Variants in TSPAN13 observed in about 807,000 individuals in gnomAD.
The protein encoded by TSPAN13 is tetraspanin-13.
In TSPAN13, 18 loss-of-function variants were observed where a neutral mutation model predicts 26.9. The ratio of observed to expected loss-of-function variants is 0.67; its 90% confidence interval spans 0.46 to 0.99. The LOEUF (loss-of-function observed/expected upper bound fraction) is 0.99. TSPAN13 is among the 50% of genes least tolerant of loss of function. The pLI is 0.00. For missense variants in TSPAN13, 201 were observed against 249.6 expected (o/e 0.81, Z 1.31); for synonymous variants, 116 against 98.4 (o/e 1.18, Z -1.06).
At chr7:16,765,573 T>G (rs560862298) in intron 1 of TSPAN13, among the ~76,000 whole-genome samples, 1 of 152,356 alleles carries the variant, frequency 6.6e-6, no homozygotes, top group Admixed American at 6.5e-5. Flanking sequence ...TTTATGGTCT[T>G]GCTTTGGTGT....
At chr7:16,754,361 C>G (rs1040596418) in intron 1 of TSPAN13, among the ~76,000 whole-genome samples, 4 of 152,262 alleles carry the variant, frequency 2.6e-5, no homozygotes, top group Non-Finnish European at 5.9e-5. Context: ...ACCCCGTACC[C>G]TTCTGCCGCT....
chr7:16,764,418 A>C (rs1784583900), intron 1 of TSPAN13, among the ~76,000 whole-genome samples: 1 of 152,144 alleles, frequency 6.6e-6, no homozygotes, highest in African/African-American at 2.4e-5. Context: ...TGTTTGCTAG[A>C]GTGATCTCAA....
chr7:16,760,809 G>T (rs1335810898), intron 1 of TSPAN13, among the ~76,000 whole-genome samples: 1 of 152,004 alleles, frequency 6.6e-6, no homozygotes, highest in Non-Finnish European at 1.5e-5. Flanking sequence ...CCGAGAGTTG[G>T]TTCTCGAATT....
At chr7:16,754,654 T>C (rs1396979872) in intron 1 of TSPAN13, among the ~76,000 whole-genome samples, 3 of 152,190 alleles carry the variant, frequency 2.0e-5, no homozygotes, top group Admixed American at 6.5e-5. Flanking sequence ...TTTTTCTGTG[T>C]GTCTTGTCCA....
intron 1 of TSPAN13, among the ~76,000 whole-genome samples, chr7:16,766,292 C>G (rs948158942): frequency 2.0e-5 from 3 of 152,164 alleles, no homozygotes; most frequent in African/African-American, 7.2e-5. Context: ...TTATGATGTA[C>G]AGTTTCGCTG....
intron 5 of TSPAN13, among the ~76,000 whole-genome samples, chr7:16,780,949 C>T (rs1230846361): frequency 6.6e-6 from 1 of 152,106 alleles, no homozygotes; most frequent in Non-Finnish European, 1.5e-5. Context: ...TAGTGGTAGG[C>T]TCTCACTTTT....
intron 1 of TSPAN13, among the ~76,000 whole-genome samples, chr7:16,754,301 C>G (rs1438192488): frequency 6.6e-6 from 1 of 152,218 alleles, no homozygotes; most frequent in Non-Finnish European, 1.5e-5. Flanking sequence ...CCCGCCCCCT[C>G]ACCCACCGCC....
At chr7:16,763,931 C>G (rs1042109882) in intron 1 of TSPAN13, among the ~76,000 whole-genome samples, 13 of 152,366 alleles carry the variant, frequency 8.5e-5, no homozygotes, top group African/African-American at 3.1e-4. Context: ...TCTTCATCAT[C>G]TGCAAGTCTT....
chr7:16,783,735 C>T lies in TSPAN13; in HGVS notation c.*244C>T, dbSNP rs936193660. 33 of 523,408 alleles carry T rather than the reference C, an allele frequency of 6.3e-5. No individual in the cohort carries two copies. Among genetic ancestry groups the T allele is most frequent in the African/African-American group, 2.5e-4 (13 of 52,640 alleles). 32.4% of individuals were successfully genotyped at this position (523,408 alleles called of 1,614,324 possible). On this transcript the variant is annotated 3_prime_UTR_variant, in exon 6 of 6. Coordinates refer to ENST00000262067, the MANE Select transcript of TSPAN13 (RefSeq NM_014399.4). Reference sequence around the variant, plus strand: ...ACCTGGAATTTACTGTATTCATTGTCGGGCACTGTCCACTGTGGCCTTTCT... The same window carrying T: ...ACCTGGAATTTACTGTATTCATTGTTGGGCACTGTCCACTGTGGCCTTTCT...
In TSPAN13 at chr7:16,776,472, A is replaced by G. The variant is rs556860125; in HGVS notation, c.231+94A>G. 201 of 1,177,808 alleles carry G rather than the reference A, an allele frequency of 1.7e-4. 6 individuals are homozygous for G. In the South Asian group the frequency reaches 2.9e-3, roughly 17 times the overall value. 73.0% of individuals were successfully genotyped at this position (1,177,808 alleles called of 1,614,324 possible). ...ATCACTAGGAAATTTATTGCCAGAA[A>G]GCAACTCCAAGCAAGCCTTATGCAT... On this transcript the variant is annotated intron_variant, in intron 2 of 5. Transcript: ENST00000262067.
chr7:16,783,634 C>A lies in TSPAN13; in HGVS notation c.*143C>A. ...GATAGTGGAATTATATATTTTTACT[C>A]TATGTTTCTCTACATGTTTTTTTCT... On this transcript the variant is annotated 3_prime_UTR_variant, in exon 6 of 6. Transcript: ENST00000262067. The A allele has an allele frequency of 4.1e-6, 3 of 739,236 alleles. No homozygotes were observed. The highest frequency in any genetic ancestry group is 2.5e-5 in the East Asian group (1 of 39,390). 45.8% of individuals were successfully genotyped at this position (739,236 alleles called of 1,614,324 possible).
At chr7:16,770,776 C>A (rs572513106) in intron 1 of TSPAN13, among the ~76,000 whole-genome samples, 2 of 152,192 alleles carry the variant, frequency 1.3e-5, no homozygotes, top group Admixed American at 6.5e-5. Context: ...TTTTCTCCCC[C>A]AAATGCCGTC....
At chr7:16,770,941 A>G (rs1479165188) in intron 1 of TSPAN13, among the ~76,000 whole-genome samples, 1 of 152,212 alleles carries the variant, frequency 6.6e-6, no homozygotes, top group East Asian at 1.9e-4. Flanking sequence ...GAGACTGAAA[A>G]GTCTTTGCTC....
intron 1 of TSPAN13, among the ~76,000 whole-genome samples, chr7:16,758,490 C>T (rs1240401753): frequency 2.0e-5 from 3 of 152,206 alleles, no homozygotes; most frequent in Non-Finnish European, 2.9e-5. Context: ...GTTACAGCTT[C>T]AGGTGGAAAA....
At chr7:16,766,305 G>A (rs1784602436) in intron 1 of TSPAN13, among the ~76,000 whole-genome samples, 1 of 152,192 alleles carries the variant, frequency 6.6e-6, no homozygotes, top group South Asian at 2.1e-4. Context: ...TTTCGCTGTT[G>A]CTGTAATAAG....
chr7:16,768,372 C>G (rs1024066690), intron 1 of TSPAN13, among the ~76,000 whole-genome samples: 15 of 152,280 alleles, frequency 9.9e-5, no homozygotes, highest in African/African-American at 3.6e-4. Context: ...GCCAGGTAGC[C>G]TGGGTTCATA....
At chr7:16,776,889 A>G (rs551777766) in intron 2 of TSPAN13, among the ~76,000 whole-genome samples, 153 bp from the exon 3 acceptor site, 1 of 152,206 alleles carries the variant, frequency 6.6e-6, no homozygotes, top group Non-Finnish European at 1.5e-5. Context: ...AAATAATAAT[A>G]TGTGTATCCT....
chr7:16,783,739 C>G lies in TSPAN13; in HGVS notation c.*248C>G, dbSNP rs1199139268. 7.9e-6 allele frequency: 4 copies of G among 507,206 alleles called. No homozygotes were observed. In the East Asian group the frequency reaches 1.3e-4, roughly 16 times the overall value. The allele number at this position is 507,206 out of a possible 1,614,324, so 31.4% of individuals were successfully genotyped here. On this transcript the variant is annotated 3_prime_UTR_variant, in exon 6 of 6. Coordinates refer to ENST00000262067, the MANE Select transcript of TSPAN13 (RefSeq NM_014399.4). ...GGAATTTACTGTATTCATTGTCGGG[C>G]ACTGTCCACTGTGGCCTTTCTTAGC...
intron 1 of TSPAN13, among the ~76,000 whole-genome samples, chr7:16,775,171 A>G (rs1784727512): frequency 6.6e-6 from 1 of 152,188 alleles, no homozygotes. Context: ...GATTGAAGAT[A>G]CTGTTTCCTT....
Sources: allele counts gnomAD v4.1 joint callset (sites outside exome capture counted in the v4.1 genomes callset), GRCh38; gene constraint gnomAD v4.1.1; transcripts MANE v1.5; gene names NCBI Gene and HGNC (gene_info 2026-07-23, HGNC 2026-07-21).